Variants in RNF144B observed in about 807,000 individuals in gnomAD.
RNF144B encodes the protein E3 ubiquitin-protein ligase RNF144B.
In RNF144B, 25 loss-of-function variants were observed where a neutral mutation model predicts 40.2. The observed-to-expected ratio is 0.62, with a 90% CI of 0.45 to 0.87. RNF144B has a LOEUF of 0.87. Ranked by LOEUF, RNF144B falls within the 40% of genes least tolerant of loss-of-function variation. The pLI, the probability that RNF144B is intolerant of heterozygous loss-of-function variation, is 0.00. For missense variants in RNF144B, 365 were observed against 373.7 expected (o/e 0.98, Z 0.19); for synonymous variants, 145 against 136.3 (o/e 1.06, Z -0.44).
chr6:18,405,967 C>T lies in RNF144B; in HGVS notation c.165+6268C>T. 1.0e-5 allele frequency: 5 copies of T among 502,046 alleles called. No individual in the cohort carries two copies. The Admixed American group carries it at 1.0e-4, about 10-fold the overall frequency. 31.1% of individuals were successfully genotyped at this position (502,046 alleles called of 1,614,324 possible). On this transcript the variant is annotated intron_variant, in intron 2 of 7. Coordinates refer to ENST00000259939, the MANE Select transcript of RNF144B (RefSeq NM_182757.4). The surrounding 1 kb of genome is among the most constrained non-coding windows in gnomAD (Gnocchi z 4.5). ...CCTTAGATCTTCTAGTTCCCCCACC[C>T]TCCTAATGAAAGAAGTCATTTTCTG...
Position 18,458,970 on chromosome 6 carries a change from G to A in RNF144B, c.537-637G>A, listed in dbSNP as rs1223345883. Among the ~76,000 whole-genome samples, 1 of 152,152 alleles carries A rather than the reference G, an allele frequency of 6.6e-6. No homozygotes were observed. The highest frequency in any genetic ancestry group is 1.5e-5 in the Non-Finnish European group (1 of 68,024). ...AATAACTGTCTTATGACAATATGAG[G>A]TTATTGTTCATACGAAGTCTGATAA... is the stretch of plus-strand genomic sequence containing the variant. On this transcript the variant is annotated intron_variant, in intron 5 of 7. Transcript: ENST00000259939. This position sits in a 1 kb window ranked among gnomAD's most constrained non-coding sequence, Gnocchi z 4.8.
chr6:18,393,048 G>T (rs1794617242), intron 1 of RNF144B, among the ~76,000 whole-genome samples: 1 of 151,110 alleles, frequency 6.6e-6, no homozygotes, highest in Admixed American at 6.6e-5. Context: ...GTGAACCCAG[G>T]AGGCAGAGCT....
intron 6 of RNF144B, among the ~76,000 whole-genome samples, chr6:18,461,830 G>C (rs1759462348): frequency 6.6e-6 from 1 of 152,160 alleles, no homozygotes; most frequent in Non-Finnish European, 1.5e-5. Context: ...GGGGCCAGGA[G>C]AGGGGTGATT....
At chr6:18,427,868 A>G (rs1307077091) in intron 3 of RNF144B, among the ~76,000 whole-genome samples, 183 bp downstream of exon 3, 1 of 152,234 alleles carries the variant, frequency 6.6e-6, no homozygotes. Context: ...GCTGTCATTT[A>G]TCTCAGTTCT....
intron 2 of RNF144B, among the ~76,000 whole-genome samples, chr6:18,420,935 A>T (rs1380945731): frequency 6.6e-6 from 1 of 152,162 alleles, no homozygotes; most frequent in Non-Finnish European, 1.5e-5. Flanking sequence ...CACAATAATT[A>T]TACAAACTTA....
rs779648489 is a variant in RNF144B, at chr6:18,422,340, G to C, written c.166-5241G>C. 6.6e-6 allele frequency among the ~76,000 whole-genome samples: 1 copy of C among 152,192 alleles called. No homozygotes were observed. The highest frequency in any genetic ancestry group is 1.9e-4 in the East Asian group (1 of 5,200). ...TGTTCTCAGTGTGAGATGTTATTTA[G>C]AACACACTGGAAACATTGTGATGTC... On this transcript the variant is annotated intron_variant, in intron 2 of 7. Coordinates refer to ENST00000259939, the MANE Select transcript of RNF144B (RefSeq NM_182757.4). The surrounding 1 kb of genome is among the most constrained non-coding windows in gnomAD (Gnocchi z 4.7).
In RNF144B at chr6:18,410,752, C is replaced by T. The variant is rs1290661424; in HGVS notation, c.165+11053C>T. On this transcript the variant is annotated intron_variant, in intron 2 of 7. Coordinates refer to ENST00000259939, the MANE Select transcript of RNF144B (RefSeq NM_182757.4). This position sits in a 1 kb window ranked among gnomAD's most constrained non-coding sequence, Gnocchi z 4.6. The stretch of plus-strand genomic sequence containing the variant: ...TTTGGGAATGAGATAGGGAGGATGG[C>T]GTCGGTACAGGATAGAGAATGGACT... 6.6e-6 allele frequency among the ~76,000 whole-genome samples: 1 copy of T among 151,946 alleles called. No homozygotes were observed. The highest frequency in any genetic ancestry group is 1.5e-5 in the Non-Finnish European group (1 of 67,988).
At chr6:18,420,307 T>G (rs2113488841) in intron 2 of RNF144B, among the ~76,000 whole-genome samples, 1 of 152,168 alleles carries the variant, frequency 6.6e-6, no homozygotes, top group East Asian at 1.9e-4. Context: ...GCATTTCAGA[T>G]TTTGGATTTT....
chr6:18,426,046 G>A (rs1053312894), intron 2 of RNF144B, among the ~76,000 whole-genome samples: 2 of 152,132 alleles, frequency 1.3e-5, no homozygotes, highest in Non-Finnish European at 2.9e-5. Context: ...AGTGATACTA[G>A]TTTTATTTTC....
chr6:18,387,358 C>G lies in RNF144B; in HGVS notation c.-309C>G, dbSNP rs891063889. The G allele has an allele frequency of 8.7e-7, 1 of 1,151,062 alleles. No homozygotes were observed. Among genetic ancestry groups the G allele is most frequent in the African/African-American group, 1.6e-5 (1 of 60,832 alleles). 71.3% of individuals were successfully genotyped at this position (1,151,062 alleles called of 1,614,324 possible). ...CTGCTACCGCTGCTGGCGAGCTGTGCCCCACGCTCCCGCTGCAACAGTCCC... is the reference window on the plus strand; with the variant it reads ...CTGCTACCGCTGCTGGCGAGCTGTGGCCCACGCTCCCGCTGCAACAGTCCC... On this transcript the variant is annotated 5_prime_UTR_variant, in exon 1 of 8. Coordinates refer to ENST00000259939, the MANE Select transcript of RNF144B (RefSeq NM_182757.4).
intron 1 of RNF144B, among the ~76,000 whole-genome samples, chr6:18,388,131 A>T (rs1582391329): frequency 6.6e-6 from 1 of 152,278 alleles, no homozygotes; most frequent in Non-Finnish European, 1.5e-5. Context: ...CATGAGTTTC[A>T]AGGATCCTGC....
At chr6:18,439,301 T>C (rs1582432819) in intron 3 of RNF144B, among the ~76,000 whole-genome samples, 1 of 152,288 alleles carries the variant, frequency 6.6e-6, no homozygotes, top group Non-Finnish European at 1.5e-5. Context: ...ATTCCAAAGC[T>C]AGAACTTTAA....
At chr6:18,396,333 A>G (rs1794693456) in intron 1 of RNF144B, 5 of 897,116 alleles carry the variant, frequency 5.6e-6, no homozygotes, top group Non-Finnish European at 6.7e-6. Flanking sequence ...AGAGTATCCA[A>G]TTAATTTCTA....
intron 1 of RNF144B, among the ~76,000 whole-genome samples, 181 bp from the exon 2 acceptor site, chr6:18,399,318 T>C (rs1794751387): frequency 1.3e-5 from 2 of 152,158 alleles, no homozygotes; most frequent in South Asian, 4.1e-4. Context: ...ATTTCAGGAC[T>C]TCAGGGATAC....
In RNF144B at chr6:18,419,606, G is replaced by A. The variant is rs1795213461; in HGVS notation, c.166-7975G>A. 6.6e-6 allele frequency among the ~76,000 whole-genome samples: 1 copy of A among 152,130 alleles called. No individual in the cohort carries two copies. Among genetic ancestry groups the A allele is most frequent in the South Asian group, 2.1e-4 (1 of 4,828 alleles). On this transcript the variant is annotated intron_variant, in intron 2 of 7. Transcript: ENST00000259939. This position sits in a 1 kb window ranked among gnomAD's most constrained non-coding sequence, Gnocchi z 4.6. ...AAAAGGGTTTCAGGAAGGTGGGAGT[G>A]GTTAGCTGTGTGTGATACTGCTGTT...
At chr6:18,439,532 T>C in intron 3 of RNF144B, 152 bp from the exon 4 acceptor site, 1 of 581,436 alleles carries the variant, frequency 1.7e-6, no homozygotes, top group Non-Finnish European at 3.1e-6. Context: ...TTGCATGTGT[T>C]TTACTACATG....
In RNF144B at chr6:18,468,527, C is replaced by T. The variant is rs1361857534; in HGVS notation, c.*3460C>T. On this transcript the variant is annotated 3_prime_UTR_variant, in exon 8 of 8. Transcript: ENST00000259939. ...TAAATCACCATTTCTTGGAACCCCA[C>T]GTTTTTTCTTAAAAATTATTCTGAA... 1 of 151,960 alleles carries T rather than the reference C, an allele frequency of 6.6e-6. No individual in the cohort carries two copies. The allele number at this position is 151,960 out of a possible 1,614,324, so 9.4% of individuals were successfully genotyped here.
chr6:18,447,253 A>G lies in RNF144B; in HGVS notation c.331+7509A>G, dbSNP rs1759104083. Reference sequence around the variant, plus strand: ...AGCAAGCCATATGGATACTTACGGGAAGAACATCATTTCAGGCAGAGGTAA... The same window carrying G: ...AGCAAGCCATATGGATACTTACGGGGAGAACATCATTTCAGGCAGAGGTAA... On this transcript the variant is annotated intron_variant, in intron 4 of 7. Coordinates refer to ENST00000259939, the MANE Select transcript of RNF144B (RefSeq NM_182757.4). This position sits in a 1 kb window ranked among gnomAD's most constrained non-coding sequence, Gnocchi z 5.6. Among the ~76,000 whole-genome samples the G allele has an allele frequency of 1.3e-5, 2 of 152,108 alleles. No individual in the cohort carries two copies. The highest frequency in any genetic ancestry group is 1.3e-4 in the Admixed American group (2 of 15,262).
chr6:18,433,396 AAG>A lies in RNF144B; in HGVS notation c.270+5712_270+5713del, dbSNP rs568903977. ...TTTCCTGGCTGAATCACATTTTAGA[AAG>A]TAGTTAAAACTTTGTTTTAAAATGT... is the stretch of plus-strand genomic sequence containing the variant. On this transcript the variant is annotated intron_variant, in intron 3 of 7. Coordinates refer to ENST00000259939, the MANE Select transcript of RNF144B (RefSeq NM_182757.4). Among the ~76,000 whole-genome samples, 314 of 152,344 alleles carry A rather than the reference AAG, an allele frequency of 2.1e-3. 2 individuals are homozygous for A. The highest frequency in any genetic ancestry group is 2.5e-3 in the Non-Finnish European group (169 of 68,026).
Sources: gnomAD v4.1 joint callset for allele counts (sites outside exome capture counted in the v4.1 genomes callset) on GRCh38, gnomAD v4.1.1 for gene constraint, Gnocchi (gnomAD v3.1) non-coding constraint, MANE v1.5 for transcripts, NCBI Gene and HGNC (gene_info 2026-07-23, HGNC 2026-07-21) for gene names.